CD163: variants seen among roughly 807,000 people sequenced by gnomAD.
CD163 encodes the protein scavenger receptor cysteine-rich type 1 protein M130.
Under a neutral mutation model 129.2 loss-of-function variants are expected in CD163, and 64 were observed. That is an observed-to-expected ratio of 0.50 (90% CI 0.41 to 0.61). The LOEUF (loss-of-function observed/expected upper bound fraction) is 0.61. Ranked by LOEUF, CD163 falls within the 20% of genes least tolerant of loss-of-function variation. The pLI is 0.00. For missense variants in CD163, 1,061 were observed against 1,377.9 expected (o/e 0.77, Z 3.64); for synonymous variants, 446 against 478.5 (o/e 0.93, Z 0.89).
chr12:7,478,773 C>T (rs1278917458), intron 16 of CD163, among the ~76,000 whole-genome samples: 1 of 151,782 alleles, frequency 6.6e-6, no homozygotes, highest in Non-Finnish European at 1.5e-5. Context: ...TTTACCATAG[C>T]ATGTATTATA....
intron 6 of CD163, among the ~76,000 whole-genome samples, chr12:7,490,977 T>C (rs74872482): frequency 0.012 from 1,854 of 152,072 alleles, 28 homozygotes; most frequent in African/African-American, 0.041. Flanking sequence ...TAAGATATCA[T>C]TAACTAGTAT....
At chr12:7,472,519 A>G (rs923470960) in intron 16 of CD163, among the ~76,000 whole-genome samples, 6 of 152,186 alleles carry the variant, frequency 3.9e-5, no homozygotes, top group Admixed American at 6.5e-5. Flanking sequence ...ACAGAAATCA[A>G]TAATATTAAC....
At chr12:7,482,927 C>A (rs780088619) in intron 13 of CD163, 39 bp downstream of exon 13, 8 of 1,603,462 alleles carry the variant, frequency 5.0e-6, no homozygotes, top group Non-Finnish European at 6.8e-6. Flanking sequence ...TCTATGTATG[C>A]AGATAATTGG....
At chr12:7,492,167 A>G (rs1592005268) in intron 6 of CD163, among the ~76,000 whole-genome samples, 1 of 152,162 alleles carries the variant, frequency 6.6e-6, no homozygotes, top group Non-Finnish European at 1.5e-5. Context: ...GGCCCCCAAC[A>G]TAAGTAGAAG....
Position 7,485,483 on chromosome 12 carries a change from C to A in CD163, c.2459-67G>T. On this transcript the variant is annotated intron_variant, in intron 10 of 16. Transcript: ENST00000432237. The surrounding 1 kb of genome is among the most constrained non-coding windows in gnomAD (Gnocchi z 4.5). ...AAGATTCAGAGACTCCTTCCCTTTA[C>A]CTTGATGTAAGAATGGCTTTAAAAA... 1 of 1,284,226 alleles carries A rather than the reference C, an allele frequency of 7.8e-7. No homozygotes were observed. Among genetic ancestry groups the A allele is most frequent in the Admixed American group, 2.0e-5 (1 of 48,836 alleles). 79.6% of individuals were successfully genotyped at this position (1,284,226 alleles called of 1,614,324 possible).
chr12:7,501,425 T>G lies in CD163; in HGVS notation c.171A>C (p.Glu57Asp). 1 of 1,614,008 alleles carries G rather than the reference T, an allele frequency of 6.2e-7. No individual in the cohort carries two copies. Among genetic ancestry groups the G allele is most frequent in the Non-Finnish European group, 8.5e-7 (1 of 1,179,986 alleles). ...CTTCCACTCTCCCGCTACACTTGTT[T>G]TCACCATCCACTAGCCTCAGCTCCT... Reference protein sequence around the residue: ...TDKELRLVDGENKCSGRVEVK... With the variant: ...TDKELRLVDGDNKCSGRVEVK... The change falls in exon 3 of 17, where the codon GAA (glutamate) becomes GAC (aspartate). Residue 57 changes from glutamate to aspartate, a missense_variant. Physicochemically the swap from Glu to Asp is conservative, Grantham distance 45. Coordinates refer to ENST00000432237, the MANE Select transcript of CD163 (RefSeq NM_203416.4).
chr12:7,486,137 T>C (rs1565401732), intron 10 of CD163, among the ~76,000 whole-genome samples: 1 of 152,322 alleles, frequency 6.6e-6, no homozygotes, highest in Admixed American at 6.5e-5. Context: ...ATGCAACATA[T>C]ATATTTCTTC....
rs1949405685 is a variant in CD163, at chr12:7,496,668, C to G, written c.1099+145G>C. The G allele has an allele frequency of 4.6e-6, 3 of 658,590 alleles. No homozygotes were observed. The highest frequency in any genetic ancestry group is 7.9e-6 in the Non-Finnish European group (3 of 381,422). 40.8% of individuals were successfully genotyped at this position (658,590 alleles called of 1,614,324 possible). ...TGAATAAAGAATGTGTCAAAGATTACAGGTATAAAGGAATTCCCAGCAAGG... is the reference window on the plus strand; with the variant it reads ...TGAATAAAGAATGTGTCAAAGATTAGAGGTATAAAGGAATTCCCAGCAAGG... On this transcript the variant is annotated intron_variant, in intron 5 of 16. Transcript: ENST00000432237. This position sits in a 1 kb window ranked among gnomAD's most constrained non-coding sequence, Gnocchi z 4.8.
rs958660876 is a variant in CD163 at position 7,499,101 on chromosome 12, G to A, written c.545C>T (p.Thr182Ile). 6.2e-7 allele frequency: 1 copy of A among 1,614,046 alleles called. No homozygotes were observed. The highest frequency in any genetic ancestry group is 8.5e-7 in the Non-Finnish European group (1 of 1,179,970). The change falls in exon 4 of 17, where the codon ACA becomes ATA. Residue 182 changes from threonine to isoleucine, a missense_variant. Thr to Ile is a moderately conservative substitution (Grantham distance 89). Transcript: ENST00000432237. ...TATGTTGAAGTTATCATCACACACT[G>A]TTCCCCACCGTCCTTGGAATTTGAT... ...IEIKFQGRWGTVCDDNFNIDH... is the reference protein window; with the variant it reads ...IEIKFQGRWGIVCDDNFNIDH...
intron 11 of CD163, among the ~76,000 whole-genome samples, chr12:7,484,231 G>A (rs1254532034): frequency 1.3e-5 from 2 of 152,038 alleles, no homozygotes; most frequent in South Asian, 2.1e-4. Context: ...GATACATAAT[G>A]TGACCCAGTA....
intron 16 of CD163, 114 bp downstream of exon 16, chr12:7,479,746 A>G (rs779876083): frequency 9.3e-7 from 1 of 1,073,166 alleles, no homozygotes; most frequent in East Asian, 2.7e-5. Context: ...ATATGCACAT[A>G]AGCAAATAAA....
At position 7,497,032 on chromosome 12, in the gene CD163, C is replaced by T. The variant is rs1289477810; in HGVS notation, c.880G>A (p.Gly294Ser). The T allele has an allele frequency of 6.8e-6, 11 of 1,614,074 alleles. No homozygotes were observed. The highest frequency in any genetic ancestry group is 3.3e-5 in the South Asian group (3 of 91,082). ...QGEWGTICDDGWDSYDAAVAC... is the reference protein window; with the variant it reads ...QGEWGTICDDSWDSYDAAVAC... Reference sequence around the variant, plus strand: ...ACAGCAGCATCGTAACTGTCCCAGCCGTCATCACATATTGTCCCCCATTCT... The same window carrying T: ...ACAGCAGCATCGTAACTGTCCCAGCTGTCATCACATATTGTCCCCCATTCT... Residue 294 changes from glycine to serine, a missense_variant, in exon 5 of 17, where the codon GGC (glycine) becomes AGC (serine). Physicochemically the swap from Gly to Ser is moderately conservative, Grantham distance 56 (BLOSUM62 0). Coordinates refer to ENST00000432237, the MANE Select transcript of CD163 (RefSeq NM_203416.4).
chr12:7,480,772 A>G (rs1362962688), intron 15 of CD163: 1 of 614,092 alleles, frequency 1.6e-6, no homozygotes, highest in East Asian at 1.3e-4. Flanking sequence ...TTTACTATCT[A>G]TATACATCCC....
intron 4 of CD163, among the ~76,000 whole-genome samples, chr12:7,498,146 C>CTCACACACACAG (rs1555079446): frequency 2.0e-5 from 3 of 148,860 alleles, no homozygotes; most frequent in African/African-American, 7.4e-5. Flanking sequence ...CACACACACA[C>CTCACACACACAG]AGAGAGAGAG....
Position 7,487,619 on chromosome 12 carries a change from T to C in CD163, c.1790A>G (p.Glu597Gly). Residue 597 changes from glutamate (E) to glycine (G), a missense_variant, in exon 8 of 17, where the codon GAG (glutamate) becomes GGG (glycine). Coordinates refer to ENST00000432237, the MANE Select transcript of CD163 (RefSeq NM_203416.4). This position sits in a 1 kb window ranked among gnomAD's most constrained non-coding sequence, Gnocchi z 5.1. ...TCCCCAGGCACCAAGCGTTTTGAGCTCCACTCTGCCCTCACACGGGGTCTT... is the reference window on the plus strand; with the variant it reads ...TCCCCAGGCACCAAGCGTTTTGAGCCCCACTCTGCCCTCACACGGGGTCTT... ...NGKTPCEGRV[E>G]LKTLGAWGSL... is the part of the protein sequence containing the mutation. The C allele has an allele frequency of 5.0e-6, 8 of 1,614,164 alleles. No homozygotes were observed. Among genetic ancestry groups the C allele is most frequent in the Non-Finnish European group, 5.9e-6 (7 of 1,180,026 alleles).
chr12:7,482,708 A>C lies in CD163; in HGVS notation c.3182T>G (p.Leu1061Arg). The change falls in exon 14 of 17, where the codon CTG (leucine) becomes CGG (arginine). Residue 1061 changes from leucine (L) to arginine (R), a missense_variant. Physicochemically the swap from Leu to Arg is moderately radical, Grantham distance 102. Coordinates refer to ENST00000432237, the MANE Select transcript of CD163 (RefSeq NM_203416.4). ...GAATAATGCGACGAAAATGGCCAAC[A>C]GAACAACCCCAAGGATCCCGACTGC... ...FIAVGILGVV[L>R]LAIFVALFFL... The C allele has an allele frequency of 1.9e-6, 3 of 1,614,216 alleles. No homozygotes were observed. The highest frequency in any genetic ancestry group is 2.5e-6 in the Non-Finnish European group (3 of 1,180,012).
At chr12:7,502,440 T>C (rs1565410817) in intron 2 of CD163, 38 bp downstream of exon 2, 1 of 1,297,898 alleles carries the variant, frequency 7.7e-7, no homozygotes, top group South Asian at 1.2e-5. Flanking sequence ...CTTGTCAGAG[T>C]GGGCTAAGGC....
chr12:7,487,834 TG>T lies in CD163; in HGVS notation c.1673del (p.Pro558GlnfsTer2). The T allele has an allele frequency of 6.2e-7, 1 of 1,614,150 alleles. No homozygotes were observed. The highest frequency in any genetic ancestry group is 8.5e-7 in the Non-Finnish European group (1 of 1,180,030). ...AAGTTCCTTCTGGGCGGGGTGCTAC[TG>T]GGCAGAGTGAAAGATGGGACTCATG... ...EGHESHLSLC[P>X]VAPRPEGTCS... On this transcript the variant is annotated frameshift_variant, in exon 7 of 17. Transcript: ENST00000432237. LOFTEE classifies it high-confidence loss of function. The surrounding 1 kb of genome is among the most constrained non-coding windows in gnomAD (Gnocchi z 5.1).
Position 7,486,991 on chromosome 12 carries a change from A to C in CD163, c.2051-5T>G. ...ACAGTGTTTGGGACTGGTTTCCTGC[A>C]AACACCAAGGTACTCAGTCATACAA... On this transcript the variant is annotated splice_polypyrimidine_tract_variant and splice_region_variant and intron_variant, in intron 8 of 16. Transcript: ENST00000432237. 6.2e-7 allele frequency: 1 copy of C among 1,612,000 alleles called. No individual in the cohort carries two copies. Among genetic ancestry groups the C allele is most frequent in the Non-Finnish European group, 8.5e-7 (1 of 1,178,242 alleles).
Sources: gnomAD v4.1 joint callset for allele counts (sites outside exome capture counted in the v4.1 genomes callset) on GRCh38, gnomAD v4.1.1 for gene constraint, Gnocchi (gnomAD v3.1) non-coding constraint, MANE v1.5 for transcripts, NCBI Gene and HGNC (gene_info 2026-07-23, HGNC 2026-07-21) for gene names.